GABRA3: variants seen among roughly 807,000 people sequenced by gnomAD.
The protein encoded by GABRA3 is gamma-aminobutyric acid receptor subunit alpha-3.
GABRA3 carries 10 observed loss-of-function variants against 30.1 expected under a neutral mutation model. The observed-to-expected ratio is 0.33, with a 90% CI of 0.20 to 0.56. The LOEUF (loss-of-function observed/expected upper bound fraction) is 0.56. Ranked by LOEUF, GABRA3 falls within the 20% of genes least tolerant of loss-of-function variation. The pLI, the probability that GABRA3 is intolerant of heterozygous loss-of-function variation, is 0.89. For synonymous variants in GABRA3, 151 were observed against 146.8 expected (o/e 1.03, Z -0.21); for missense variants, 233 against 392.0 (o/e 0.59, Z 3.42).
At chrX:152,183,663 T>C (rs1370950430) in intron 9 of GABRA3, among the ~76,000 whole-genome samples, 1 of 111,575 alleles carries the variant, frequency 9.0e-6, no homozygotes, top group Non-Finnish European at 1.9e-5. Context: ...TTGAGATCTT[T>C]ATTCTTTTTT....
chrX:152,320,436 C>A (rs1844974), intron 3 of GABRA3, among the ~76,000 whole-genome samples: 24,960 of 110,764 alleles, frequency 0.23, 2,674 homozygotes, highest in African/African-American at 0.43. Flanking sequence ...CCTGGATAGA[C>A]CTGGAGACTA....
At position 152,384,872 on chromosome X, in the gene GABRA3, T is replaced by C. The variant is rs779718018; in HGVS notation, c.-26-20276A>G. On this transcript the variant is annotated intron_variant, in intron 1 of 9. Coordinates refer to ENST00000370314, the MANE Select transcript of GABRA3 (RefSeq NM_000808.4). ...ACGTATATCTGATAAAGAAACATTA[T>C]CCAAAGAATTCCTACAACATCATAA... Among the ~76,000 whole-genome samples, 4 of 111,550 alleles carry C rather than the reference T, an allele frequency of 3.6e-5. No individual in the cohort carries two copies. The South Asian group carries it at 1.5e-3, about 41-fold the overall frequency.
intron 9 of GABRA3, chrX:152,171,290 T>G (rs1936998925): frequency 1.0e-5 from 2 of 197,416 alleles, no homozygotes; most frequent in African/African-American, 6.1e-5. Flanking sequence ...CATAGGCACT[T>G]TATGTTCTAT....
intron 1 of GABRA3, among the ~76,000 whole-genome samples, chrX:152,408,967 G>A (rs1930002714): frequency 9.0e-6 from 1 of 111,714 alleles, no homozygotes; most frequent in African/African-American, 3.3e-5. Context: ...CATACACTGG[G>A]ACAAGGACAC....
rs762785840 is a variant in GABRA3 at position 152,179,301 on chromosome X, A to G, written c.1143+10429T>C. ...CCTCACAGTTATCATTTTCTGTGGT[A>G]AGAACATTTAAAATCTACTCTTAGC... On this transcript the variant is annotated intron_variant, in intron 9 of 9. Coordinates refer to ENST00000370314, the MANE Select transcript of GABRA3 (RefSeq NM_000808.4). Among the ~76,000 whole-genome samples the G allele has an allele frequency of 1.5e-4, 17 of 111,442 alleles. No individual in the cohort carries two copies. The South Asian group carries it at 6.5e-3, about 42-fold the overall frequency.
At chrX:152,381,875 T>A (rs1236711700) in intron 1 of GABRA3, among the ~76,000 whole-genome samples, 1 of 111,822 alleles carries the variant, frequency 8.9e-6, no homozygotes, top group African/African-American at 3.3e-5. Context: ...GCAAAGGACA[T>A]GAACTTATTG....
chrX:152,229,314 C>A (rs1438921901), intron 5 of GABRA3, among the ~76,000 whole-genome samples: 2 of 111,215 alleles, frequency 1.8e-5, no homozygotes, highest in African/African-American at 3.3e-5. Context: ...TAAGAGGCAA[C>A]CCAGGAAGCC....
At chrX:152,225,418 G>GCACACACACACATGCA (rs1937926652) in intron 5 of GABRA3, among the ~76,000 whole-genome samples, 3 of 56,033 alleles carry the variant, frequency 5.4e-5, no homozygotes, top group African/African-American at 1.7e-4. Context: ...ACACACACAC[G>GCACACACACACATGCA]CACACACACA....
intron 5 of GABRA3, among the ~76,000 whole-genome samples, chrX:152,249,669 C>A (rs1462816301): frequency 9.0e-6 from 1 of 110,576 alleles, no homozygotes. Flanking sequence ...AGCGTATAAG[C>A]CCCTCTCCCC....
intron 1 of GABRA3, among the ~76,000 whole-genome samples, chrX:152,448,224 T>C (rs1931135575): frequency 8.9e-6 from 1 of 112,113 alleles, no homozygotes; most frequent in African/African-American, 3.2e-5. Context: ...GATCACCTAA[T>C]AGATTGCTAA....
chrX:152,269,248 C>CA (rs984287951), intron 4 of GABRA3, among the ~76,000 whole-genome samples: 3 of 111,148 alleles, frequency 2.7e-5, no homozygotes, highest in African/African-American at 9.8e-5. Context: ...ACAATAACTG[C>CA]AAAAAATGCA....
chrX:152,172,951 TACACACAC>T (rs58184376), intron 9 of GABRA3, among the ~76,000 whole-genome samples: 13 of 102,598 alleles, frequency 1.3e-4, no homozygotes, highest in East Asian at 3.0e-4. Context: ...CGAGTATGTG[TACACACAC>T]ACACACACAC....
At chrX:152,246,780 G>A (rs1290210612) in intron 5 of GABRA3, among the ~76,000 whole-genome samples, 1 of 111,290 alleles carries the variant, frequency 9.0e-6, no homozygotes, top group East Asian at 2.8e-4. Context: ...GATTCACTAA[G>A]TGTGGCTCTG....
At chrX:152,285,086 A>C (rs1245841965) in intron 3 of GABRA3, among the ~76,000 whole-genome samples, 1 of 111,909 alleles carries the variant, frequency 8.9e-6, no homozygotes, top group Non-Finnish European at 1.9e-5. Flanking sequence ...ACTTCTAGGA[A>C]CATAGGATGA....
intron 1 of GABRA3, among the ~76,000 whole-genome samples, chrX:152,402,570 A>C (rs1274487425): frequency 1.8e-5 from 2 of 111,751 alleles, no homozygotes; most frequent in Non-Finnish European, 3.8e-5. Flanking sequence ...TCAACTGAGA[A>C]TGAAGCAGGA....
intron 5 of GABRA3, among the ~76,000 whole-genome samples, chrX:152,242,827 G>A (rs1938404562): frequency 8.9e-6 from 1 of 112,102 alleles, no homozygotes; most frequent in Admixed American, 9.4e-5. Context: ...ATTAAAAATA[G>A]AAATACCATA....
intron 1 of GABRA3, among the ~76,000 whole-genome samples, chrX:152,408,216 C>G (rs1168408195): frequency 9.0e-6 from 1 of 111,415 alleles, no homozygotes; most frequent in Non-Finnish European, 1.9e-5. Context: ...ACTGGAAGTC[C>G]TAGCCAGAGC....
intron 1 of GABRA3, among the ~76,000 whole-genome samples, chrX:152,448,316 A>C (rs758004172): frequency 8.9e-6 from 1 of 112,353 alleles, no homozygotes; most frequent in South Asian, 3.7e-4. Context: ...ATATTTTTAC[A>C]CATTAAAGTT....
intron 3 of GABRA3, among the ~76,000 whole-genome samples, chrX:152,342,301 T>A (rs971549877): frequency 8.9e-6 from 1 of 112,420 alleles, no homozygotes; most frequent in Non-Finnish European, 1.9e-5. Context: ...TTTATATATA[T>A]TCTTTTGAGA....
Sources: gnomAD v4.1 joint callset for allele counts (sites outside exome capture counted in the v4.1 genomes callset) on GRCh38, gnomAD v4.1.1 for gene constraint, MANE v1.5 for transcripts, NCBI Gene and HGNC (gene_info 2026-07-23, HGNC 2026-07-21) for gene names.